FAM135B: variants seen among roughly 807,000 people sequenced by gnomAD.
The protein encoded by FAM135B is family with sequence similarity 135 member B, also known as protein FAM135B.
Under a neutral mutation model 127.7 loss-of-function variants are expected in FAM135B, and 43 were observed. The observed-to-expected ratio is 0.34, with a 90% CI of 0.26 to 0.43. FAM135B has a LOEUF of 0.43. Ranked by LOEUF, FAM135B falls within the 20% of genes least tolerant of loss-of-function variation. The probability of loss-of-function intolerance (pLI) is 1.00; values close to 1 mark genes in which losing one functional copy is unlikely to be tolerated. For missense variants in FAM135B, 1,558 were observed against 1,725.6 expected (o/e 0.90, Z 1.72); for synonymous variants, 670 against 665.1 (o/e 1.01, Z -0.11).
At chr8:138,259,334 C>G (rs1822366003) in intron 4 of FAM135B, among the ~76,000 whole-genome samples, 1 of 152,200 alleles carries the variant, frequency 6.6e-6, no homozygotes, top group South Asian at 2.1e-4. Context: ...AACCCAGATA[C>G]ACGTGTACGA....
At chr8:138,407,398 A>G (rs1293743167) in intron 1 of FAM135B, among the ~76,000 whole-genome samples, 1 of 152,202 alleles carries the variant, frequency 6.6e-6, no homozygotes, top group Non-Finnish European at 1.5e-5. Flanking sequence ...ACTGAATTGG[A>G]AAAAACTACT....
At chr8:138,169,376 CTT>C (rs1242540469) in intron 11 of FAM135B, among the ~76,000 whole-genome samples, 1 of 151,896 alleles carries the variant, frequency 6.6e-6, no homozygotes, top group African/African-American at 2.4e-5. Context: ...ATATTTAACT[CTT>C]TAAATGTTCT....
chr8:138,166,085 C>T (rs982711686), intron 12 of FAM135B, among the ~76,000 whole-genome samples: 2 of 152,148 alleles, frequency 1.3e-5, no homozygotes, highest in African/African-American at 4.8e-5. Flanking sequence ...TCAGAGTTGG[C>T]GTTGAACGTC....
intron 3 of FAM135B, among the ~76,000 whole-genome samples, chr8:138,302,012 C>G (rs574631573): frequency 1.3e-5 from 2 of 152,270 alleles, no homozygotes; most frequent in East Asian, 3.9e-4. Flanking sequence ...CATTCCAGTC[C>G]ATGCAACTTC....
intron 2 of FAM135B, among the ~76,000 whole-genome samples, chr8:138,315,863 G>C (rs1199276359): frequency 6.6e-6 from 1 of 152,098 alleles, no homozygotes; most frequent in Non-Finnish European, 1.5e-5. Context: ...ACGGAGAAGG[G>C]AAAGAAAGAA....
chr8:138,420,655 G>A (rs945990428), intron 1 of FAM135B, among the ~76,000 whole-genome samples: 2 of 151,860 alleles, frequency 1.3e-5, no homozygotes, highest in African/African-American at 4.8e-5. Context: ...AGATCAGTAG[G>A]CTTTTTTTCC....
chr8:138,336,937 G>T (rs1828641052), intron 2 of FAM135B, among the ~76,000 whole-genome samples: 1 of 152,224 alleles, frequency 6.6e-6, no homozygotes, highest in African/African-American at 2.4e-5. Flanking sequence ...TCCCTGGGAT[G>T]CAAGGCTGGT....
chr8:138,205,587 T>C (rs1368973694), intron 7 of FAM135B, among the ~76,000 whole-genome samples: 2 of 152,190 alleles, frequency 1.3e-5, no homozygotes. Context: ...CTTTAATACC[T>C]TCTCTGTCAG....
chr8:138,450,442 A>G (rs1224134783), intron 1 of FAM135B: 2 of 152,192 alleles, frequency 1.3e-5, no homozygotes, highest in African/African-American at 4.8e-5. Context: ...CACAGGGATT[A>G]TATCATTTTG....
At chr8:138,332,983 GCA>G (rs59548249) in intron 2 of FAM135B, among the ~76,000 whole-genome samples, 4,633 of 144,688 alleles carry the variant, frequency 0.032, 93 homozygotes, top group East Asian at 0.12. Context: ...TTTGGAAAGC[GCA>G]CACACACACA....
At chr8:138,183,228 C>A (rs947999995) in intron 9 of FAM135B, among the ~76,000 whole-genome samples, 1 of 152,178 alleles carries the variant, frequency 6.6e-6, no homozygotes, top group Non-Finnish European at 1.5e-5. Context: ...TTACTTAATC[C>A]TTATAGTAAT....
chr8:138,415,943 C>G (rs1834120400), intron 1 of FAM135B, among the ~76,000 whole-genome samples: 1 of 152,134 alleles, frequency 6.6e-6, no homozygotes, highest in African/African-American at 2.4e-5. Flanking sequence ...AGTCAAAGCC[C>G]TCTCTGTTCT....
chr8:138,348,641 A>T (rs1333345204), intron 2 of FAM135B, among the ~76,000 whole-genome samples: 1 of 152,178 alleles, frequency 6.6e-6, no homozygotes, highest in African/African-American at 2.4e-5. Context: ...AACCCTTTTC[A>T]TTGAGGACAA....
chr8:138,214,653 G>A (rs1309487107), intron 7 of FAM135B, among the ~76,000 whole-genome samples: 2 of 152,076 alleles, frequency 1.3e-5, no homozygotes, highest in East Asian at 3.9e-4. Flanking sequence ...TTAGCCAGAT[G>A]GACACATAGG....
intron 4 of FAM135B, among the ~76,000 whole-genome samples, chr8:138,260,020 C>A (rs971076984): frequency 1.3e-5 from 2 of 152,156 alleles, no homozygotes; most frequent in African/African-American, 4.8e-5. Flanking sequence ...GATTAGGGTG[C>A]AAGTACAAAG....
chr8:138,408,058 T>C (rs758326058), intron 1 of FAM135B, among the ~76,000 whole-genome samples: 38 of 152,186 alleles, frequency 2.5e-4, no homozygotes, highest in Non-Finnish European at 4.4e-4. Flanking sequence ...GCAGAGTAGA[T>C]TTAGTGTAAT....
intron 4 of FAM135B, among the ~76,000 whole-genome samples, chr8:138,261,136 G>C (rs1338921230): frequency 6.7e-6 from 1 of 149,464 alleles, no homozygotes; most frequent in East Asian, 2.0e-4. Context: ...CCCCCTTTCT[G>C]CTTCCAGCAA....
intron 2 of FAM135B, among the ~76,000 whole-genome samples, chr8:138,346,999 T>G (rs1829460921): frequency 6.6e-6 from 1 of 152,190 alleles, no homozygotes; most frequent in African/African-American, 2.4e-5. Flanking sequence ...CACTTCTTGG[T>G]CACTAATATC....
intron 3 of FAM135B, among the ~76,000 whole-genome samples, chr8:138,299,582 C>CAT (rs1282070340): frequency 6.4e-4 from 96 of 149,372 alleles, no homozygotes; most frequent in Admixed American, 1.2e-3. Flanking sequence ...TACACATACA[C>CAT]ACATACACAC....
Sources: allele counts gnomAD v4.1 joint callset (sites outside exome capture counted in the v4.1 genomes callset), GRCh38; gene constraint gnomAD v4.1.1; transcripts MANE v1.5; gene names NCBI Gene and HGNC (gene_info 2026-07-23, HGNC 2026-07-21).